PRKAG2: variants seen among roughly 807,000 people sequenced by gnomAD.
PRKAG2 encodes the protein protein kinase AMP-activated non-catalytic subunit gamma 2, also known as 5'-AMP-activated protein kinase subunit gamma-2.
Under a neutral mutation model 69.6 loss-of-function variants are expected in PRKAG2, and 26 were observed. The observed-to-expected ratio is 0.37, with a 90% CI of 0.27 to 0.52. PRKAG2 has a LOEUF of 0.52. PRKAG2 is among the 20% of genes least tolerant of loss of function. The probability of loss-of-function intolerance (pLI) is 0.90; values close to 1 mark genes in which losing one functional copy is unlikely to be tolerated. For synonymous variants in PRKAG2, 293 were observed against 285.0 expected, an observed-to-expected ratio of 1.03 and a Z score of -0.28; for missense variants, 557 against 740.0, an observed-to-expected ratio of 0.75 and a Z score of 2.87.
chr7:151,746,288 G>A (rs1039737612), intron 3 of PRKAG2, among the ~76,000 whole-genome samples: 1 of 152,316 alleles, frequency 6.6e-6, no homozygotes, highest in Middle Eastern at 3.4e-3. Context: ...GAAGCCCCTA[G>A]CTTAGATTAT....
At chr7:151,871,362 G>GATC (rs2080216467) in intron 1 of PRKAG2, among the ~76,000 whole-genome samples, 1 of 152,198 alleles carries the variant, frequency 6.6e-6, no homozygotes, top group Admixed American at 6.5e-5. Flanking sequence ...AGCCAAGGCG[G>GATC]GATGCCAACA....
At chr7:151,623,688 T>C (rs1464289199) in intron 5 of PRKAG2, among the ~76,000 whole-genome samples, 3 of 152,156 alleles carry the variant, frequency 2.0e-5, no homozygotes, top group Non-Finnish European at 4.4e-5. Context: ...AAACCAAAGC[T>C]TTAAGAAACT....
At chr7:151,866,810 G>A (rs186496737) in intron 1 of PRKAG2, among the ~76,000 whole-genome samples, 13 of 152,198 alleles carry the variant, frequency 8.5e-5, no homozygotes, top group Non-Finnish European at 1.5e-4. Flanking sequence ...CTGCCTGCCC[G>A]TCTTCTGGAA....
chr7:151,660,791 C>T (rs758522817), intron 4 of PRKAG2, among the ~76,000 whole-genome samples: 21 of 152,170 alleles, frequency 1.4e-4, no homozygotes, highest in Admixed American at 5.2e-4. Flanking sequence ...AATGTGACAC[C>T]GGAATTTATC....
intron 4 of PRKAG2, among the ~76,000 whole-genome samples, chr7:151,651,300 A>G (rs1828454488): frequency 6.6e-6 from 1 of 152,186 alleles, no homozygotes; most frequent in Admixed American, 6.5e-5. Flanking sequence ...GCATGGGTGA[A>G]AGATCCATTC....
intron 3 of PRKAG2, among the ~76,000 whole-genome samples, chr7:151,708,016 G>A (rs1195178383): frequency 2.6e-5 from 4 of 152,326 alleles, no homozygotes; most frequent in African/African-American, 7.2e-5. Context: ...AAAGGCCCCC[G>A]GACATGACCA....
At chr7:151,561,531 C>A (rs1196334806) in intron 14 of PRKAG2, among the ~76,000 whole-genome samples, 1 of 152,234 alleles carries the variant, frequency 6.6e-6, no homozygotes, top group East Asian at 1.9e-4. Flanking sequence ...ACGTCCATCT[C>A]TAGTTTTCTA....
intron 5 of PRKAG2, among the ~76,000 whole-genome samples, chr7:151,611,245 T>A (rs114356283): frequency 0.014 from 2,095 of 152,092 alleles, 45 homozygotes; most frequent in African/African-American, 0.048. Flanking sequence ...AGCAGCGGAG[T>A]GCTGATCGAT....
At chr7:151,591,194 C>T (rs188955112) in intron 6 of PRKAG2, among the ~76,000 whole-genome samples, 143 of 150,260 alleles carry the variant, frequency 9.5e-4, no homozygotes, top group African/African-American at 3.2e-3. Flanking sequence ...GGGGGACCCA[C>T]AGCCCCTGCC....
At position 151,597,767 on chromosome 7, in the gene PRKAG2, CA is replaced by C. The variant is rs541089860; in HGVS notation, c.755-2314del. 1.7e-3 allele frequency among the ~76,000 whole-genome samples: 205 copies of C among 123,514 alleles called. 1 individual carries two copies. The highest frequency in any genetic ancestry group is 7.9e-3 in the African/African-American group (202 of 25,676). The allele number at this position is 123,514 out of a possible 152,430, so 81.0% of individuals were successfully genotyped here. A position where few individuals can be genotyped will look rare whatever the true frequency, so the allele number is the denominator to read the frequency against. On this transcript the variant is annotated intron_variant, in intron 5 of 15. Transcript: ENST00000287878. ...CTCCAGTTAGAATGGCTATTATAAA[CA>C]AAACAAAACAAAACAAAAGATGAGT...
intron 3 of PRKAG2, among the ~76,000 whole-genome samples, chr7:151,742,483 G>T (rs936028707): frequency 6.6e-6 from 1 of 152,100 alleles, no homozygotes; most frequent in African/African-American, 2.4e-5. Context: ...AATTAGCTGG[G>T]CGTGATGGTG....
intron 4 of PRKAG2, among the ~76,000 whole-genome samples, chr7:151,646,783 A>T (rs1202540312): frequency 6.6e-6 from 1 of 152,224 alleles, no homozygotes; most frequent in Non-Finnish European, 1.5e-5. Flanking sequence ...GTAATATTAC[A>T]GATTACCTAT....
intron 3 of PRKAG2, among the ~76,000 whole-genome samples, chr7:151,721,382 A>T (rs866877113): frequency 6.6e-6 from 1 of 151,076 alleles, no homozygotes; most frequent in Non-Finnish European, 1.5e-5. Flanking sequence ...AGACAGGGCC[A>T]GGGCCAGGGC....
At chr7:151,592,212 TCTC>T (rs1244957892) in intron 6 of PRKAG2, among the ~76,000 whole-genome samples, 10 of 152,320 alleles carry the variant, frequency 6.6e-5, no homozygotes, top group African/African-American at 2.4e-4. Flanking sequence ...TACAGGTGCT[TCTC>T]CTGCTGGGCT....
chr7:151,799,792 A>G (rs1335747949), intron 1 of PRKAG2, among the ~76,000 whole-genome samples: 1 of 152,162 alleles, frequency 6.6e-6, no homozygotes, highest in Non-Finnish European at 1.5e-5. Context: ...ATTCCAGGCC[A>G]CACCGCCAGG....
rs1369239309 is a variant in PRKAG2 at position 151,719,702 on chromosome 7, C to A, written c.467-44065G>T. Among the ~76,000 whole-genome samples the A allele has an allele frequency of 5.3e-5, 8 of 152,144 alleles. No homozygotes were observed. The highest frequency in any genetic ancestry group is 2.1e-4 in the South Asian group (1 of 4,778). ...TCCCGCCCACAGCACCACTGTCTTG[C>A]GATGGGCACTGTCACTCCCACCTGG... On this transcript the variant is annotated intron_variant, in intron 3 of 15. Transcript: ENST00000287878. This position sits in a 1 kb window ranked among gnomAD's most constrained non-coding sequence, Gnocchi z 5.2.
At chr7:151,622,549 G>C (rs539330109) in intron 5 of PRKAG2, among the ~76,000 whole-genome samples, 59 of 152,268 alleles carry the variant, frequency 3.9e-4, no homozygotes, top group Non-Finnish European at 5.0e-4. Context: ...AGTTCAAATG[G>C]GAGGCAATGG....
chr7:151,706,302 TG>T, intron 3 of PRKAG2, among the ~76,000 whole-genome samples: 1 of 152,222 alleles, frequency 6.6e-6, no homozygotes, highest in East Asian at 1.9e-4. Context: ...TCCTCCTAGG[TG>T]GTAATGACTA....
At position 151,784,458 on chromosome 7, in the gene PRKAG2, G is replaced by A. The variant is rs115463826; in HGVS notation, c.186+2012C>T. 3.5e-3 allele frequency among the ~76,000 whole-genome samples: 532 copies of A among 152,292 alleles called. 2 individuals carry two copies. Among genetic ancestry groups the A allele is most frequent in the African/African-American group, 0.012 (510 of 41,556 alleles). On this transcript the variant is annotated intron_variant, in intron 2 of 15. Transcript: ENST00000287878. ...CACCATGCAGATGGATAAATGGCCC[G>A]GAGCTGAAACCTGCCCCTTAACAGA...
Sources: gnomAD v4.1 joint callset for allele counts (sites outside exome capture counted in the v4.1 genomes callset) on GRCh38, gnomAD v4.1.1 for gene constraint, Gnocchi (gnomAD v3.1) non-coding constraint, MANE v1.5 for transcripts, NCBI Gene and HGNC (gene_info 2026-07-23, HGNC 2026-07-21) for gene names.